The following HPSE2 variants were observed in gnomAD, a reference collection of about 807,000 sequenced individuals.
The protein encoded by HPSE2 is heparanase 2 (inactive), also known as inactive heparanase-2.
A neutral mutation model predicts 60.5 loss-of-function variants in HPSE2; 38 were observed. That is an observed-to-expected ratio of 0.63 (90% CI 0.48 to 0.82). The LOEUF (loss-of-function observed/expected upper bound fraction) is 0.82, where lower values mean the gene tolerates loss of function less well. Among genes scored for constraint, HPSE2 ranks in the 40% least tolerant of loss-of-function variants. HPSE2 has a pLI of 0.00. For synonymous variants in HPSE2, 295 were observed against 293.2 expected, an observed-to-expected ratio of 1.01 and a Z score of -0.06; for missense variants, 713 against 740.4, an observed-to-expected ratio of 0.96 and a Z score of 0.43.
intron 9 of HPSE2, among the ~76,000 whole-genome samples, chr10:98,568,460 T>C (rs1040278678): frequency 6.6e-6 from 1 of 152,066 alleles, no homozygotes; most frequent in East Asian, 1.9e-4. Flanking sequence ...TGAATACTGC[T>C]CTAGGAGGGA....
intron 9 of HPSE2, among the ~76,000 whole-genome samples, chr10:98,583,335 G>A (rs1269602408): frequency 2.0e-5 from 3 of 152,154 alleles, no homozygotes; most frequent in African/African-American, 7.2e-5. Context: ...CCGCTTGCTC[G>A]AGCTAACTCC....
intron 6 of HPSE2, among the ~76,000 whole-genome samples, chr10:98,658,003 T>G (rs765048708): frequency 4.6e-5 from 7 of 152,116 alleles, no homozygotes; most frequent in Non-Finnish European, 1.0e-4. Flanking sequence ...ACAGACGAAG[T>G]TTTGTTTTTT....
intron 3 of HPSE2, among the ~76,000 whole-genome samples, chr10:98,927,292 T>G (rs904886472): frequency 2.0e-5 from 3 of 152,134 alleles, no homozygotes; most frequent in Admixed American, 6.5e-5. Flanking sequence ...GGTGCTCCTG[T>G]ATTGGGTGCA....
At chr10:98,738,267 T>C (rs145234670) in intron 4 of HPSE2, among the ~76,000 whole-genome samples, 2,335 of 152,222 alleles carry the variant, frequency 0.015, 33 homozygotes, top group African/African-American at 0.03. Flanking sequence ...GTTGGGATAA[T>C]TGGCTAGCCA....
At chr10:98,995,356 G>A (rs1021652150) in intron 3 of HPSE2, among the ~76,000 whole-genome samples, 2 of 152,078 alleles carry the variant, frequency 1.3e-5, no homozygotes, top group East Asian at 3.8e-4. Flanking sequence ...TAAACAATAA[G>A]CAACGGGTCT....
chr10:99,176,902 A>G (rs1847547830), intron 2 of HPSE2, among the ~76,000 whole-genome samples: 1 of 152,178 alleles, frequency 6.6e-6, no homozygotes, highest in Non-Finnish European at 1.5e-5. Context: ...AGGGAAGCCC[A>G]TCAGACTAAC....
chr10:99,153,699 C>G (rs1589741225), intron 2 of HPSE2, among the ~76,000 whole-genome samples: 1 of 152,218 alleles, frequency 6.6e-6, no homozygotes, highest in Admixed American at 6.5e-5. Flanking sequence ...GAGCGCCTCT[C>G]CTCCTCCAAA....
chr10:98,725,795 A>G (rs1478281842), intron 4 of HPSE2, among the ~76,000 whole-genome samples: 2 of 152,222 alleles, frequency 1.3e-5, no homozygotes, highest in African/African-American at 4.8e-5. Context: ...ATTTGCAAGA[A>G]AAAAACAACC....
intron 2 of HPSE2, among the ~76,000 whole-genome samples, chr10:99,161,073 T>C: frequency 6.6e-6 from 1 of 151,570 alleles, no homozygotes; most frequent in Non-Finnish European, 1.5e-5. Flanking sequence ...ATTTAAAAAT[T>C]AGCCAGACGT....
At chr10:99,150,080 T>C (rs1418113315) in intron 2 of HPSE2, among the ~76,000 whole-genome samples, 1 of 152,160 alleles carries the variant, frequency 6.6e-6, no homozygotes, top group African/African-American at 2.4e-5. Context: ...AATTCAAGGA[T>C]GCCAAAATAC....
intron 3 of HPSE2, among the ~76,000 whole-genome samples, chr10:99,005,169 T>C (rs1198256873): frequency 1.3e-5 from 2 of 152,162 alleles, no homozygotes; most frequent in Non-Finnish European, 2.9e-5. Context: ...TGACCTTCTT[T>C]TACCTAGATC....
chr10:99,292,851 G>A, the HPSE2 span, among the ~76,000 whole-genome samples: 1 of 152,044 alleles, frequency 6.6e-6, no homozygotes, highest in Non-Finnish European at 1.5e-5. Flanking sequence ...TACCTTATTG[G>A]ATGGTACAGA....
intron 3 of HPSE2, among the ~76,000 whole-genome samples, chr10:98,755,856 C>T (rs776097120): frequency 2.0e-5 from 3 of 151,860 alleles, no homozygotes; most frequent in East Asian, 1.9e-4. Flanking sequence ...ATTAGTTGGG[C>T]GTAGTAGCAC....
At chr10:98,915,324 T>C (rs1954089626) in intron 3 of HPSE2, among the ~76,000 whole-genome samples, 1 of 151,964 alleles carries the variant, frequency 6.6e-6, no homozygotes, top group South Asian at 2.1e-4. Context: ...ATTTTTTGTA[T>C]TTTTAATAGA....
chr10:98,687,779 A>G (rs1167534883), intron 6 of HPSE2, among the ~76,000 whole-genome samples: 4 of 152,062 alleles, frequency 2.6e-5, no homozygotes, highest in African/African-American at 9.7e-5. Context: ...CCAGCTTTTT[A>G]TGATAACTGC....
intron 3 of HPSE2, among the ~76,000 whole-genome samples, chr10:99,133,419 C>T (rs11189987): frequency 0.49 from 74,948 of 152,050 alleles, 20,952 homozygotes; most frequent in East Asian, 0.66. Context: ...CAAGTGGGTC[C>T]CTGACCTCTA....
chr10:98,823,802 C>A (rs1198634646), intron 3 of HPSE2, among the ~76,000 whole-genome samples: 2 of 152,080 alleles, frequency 1.3e-5, no homozygotes, highest in Non-Finnish European at 2.9e-5. Context: ...TAACATACCT[C>A]TAACAATAAC....
At chr10:99,047,603 C>A (rs1469454682) in intron 3 of HPSE2, 1 of 650,000 alleles carries the variant, frequency 1.5e-6, no homozygotes. Context: ...CTATAAGGGA[C>A]TTAAATCAAC....
At chr10:98,592,932 T>C (rs1194478708) in intron 9 of HPSE2, among the ~76,000 whole-genome samples, 2 of 152,192 alleles carry the variant, frequency 1.3e-5, no homozygotes, top group African/African-American at 4.8e-5. Flanking sequence ...TAGAGAGTGA[T>C]TAAATAATTT....
Sources: allele counts gnomAD v4.1 joint callset (sites outside exome capture counted in the v4.1 genomes callset), GRCh38; gene constraint gnomAD v4.1.1; transcripts MANE v1.5; gene names NCBI Gene and HGNC (gene_info 2026-07-23, HGNC 2026-07-21).